The following KCTD16 variants were observed in gnomAD, a reference collection of about 807,000 sequenced individuals.
The protein encoded by KCTD16 is potassium channel tetramerization domain containing 16.
Under a neutral mutation model 33.2 loss-of-function variants are expected in KCTD16, and 13 were observed. That is an observed-to-expected ratio of 0.39 (90% CI 0.25 to 0.62). The LOEUF is 0.62. Among genes scored for constraint, KCTD16 ranks in the 20% least tolerant of loss-of-function variants. The probability of loss-of-function intolerance (pLI) is 0.50; values close to 1 mark genes in which losing one functional copy is unlikely to be tolerated. For synonymous variants in KCTD16, 197 were observed against 195.3 expected (o/e 1.01, Z -0.07); for missense variants, 441 against 525.1 (o/e 0.84, Z 1.57).
chr5:144,312,268 C>T (rs1195094239), intron 3 of KCTD16, among the ~76,000 whole-genome samples: 4 of 152,272 alleles, frequency 2.6e-5, no homozygotes, highest in Admixed American at 6.5e-5. Flanking sequence ...GCACACAGAC[C>T]GTGCAGGACA....
At chr5:144,448,751 T>G (rs1753877162) in intron 3 of KCTD16, among the ~76,000 whole-genome samples, 1 of 152,050 alleles carries the variant, frequency 6.6e-6, no homozygotes, top group African/African-American at 2.4e-5. Context: ...GTCTCCATAT[T>G]CTCTTAATCA....
chr5:144,421,447 A>G lies in KCTD16; in HGVS notation c.833-52213A>G, dbSNP rs537122077. Among the ~76,000 whole-genome samples, 6 of 152,262 alleles carry G rather than the reference A, an allele frequency of 3.9e-5. No homozygotes were observed. The South Asian group carries it at 1.2e-3, about 32-fold the overall frequency. On this transcript the variant is annotated intron_variant, in intron 3 of 3. Coordinates refer to ENST00000512467, the MANE Select transcript of KCTD16 (RefSeq NM_020768.4). ...TAAAGGAGACTGCGGCACATTGGAT[A>G]AAGGAGTAGGAAGAATATTTTTGTG...
Position 144,395,698 on chromosome 5 carries a change from G to A in KCTD16, c.833-77962G>A, listed in dbSNP as rs530831530. On this transcript the variant is annotated intron_variant, in intron 3 of 3. Coordinates refer to ENST00000512467, the MANE Select transcript of KCTD16 (RefSeq NM_020768.4). ...TTGTCCTCCCAGGTAGTCGTTTTGG[G>A]GAGAATTCAAGCAGTTCCAGGCAGG... Among the ~76,000 whole-genome samples the A allele has an allele frequency of 1.2e-3, 184 of 152,272 alleles. 1 individual carries two copies. Among genetic ancestry groups the A allele is most frequent in the African/African-American group, 4.2e-3 (173 of 41,568 alleles).
intron 3 of KCTD16, among the ~76,000 whole-genome samples, chr5:144,302,830 G>A (rs757546017): frequency 6.6e-6 from 1 of 152,170 alleles, no homozygotes; most frequent in Non-Finnish European, 1.5e-5. Flanking sequence ...AATTTGATAT[G>A]GACAGAATGA....
chr5:144,295,585 T>C (rs535038044), intron 3 of KCTD16, among the ~76,000 whole-genome samples: 49 of 152,256 alleles, frequency 3.2e-4, no homozygotes, highest in South Asian at 1.0e-3. Context: ...TGGGCCACCA[T>C]TGGGGACTGT....
At chr5:144,366,621 C>T (rs771883456) in intron 3 of KCTD16, among the ~76,000 whole-genome samples, 2 of 152,154 alleles carry the variant, frequency 1.3e-5, no homozygotes, top group Non-Finnish European at 2.9e-5. Context: ...CCCTCTTCTA[C>T]GGAGCCCTGA....
intron 3 of KCTD16, among the ~76,000 whole-genome samples, chr5:144,316,406 T>C (rs1201489210): frequency 1.3e-5 from 2 of 152,104 alleles, no homozygotes; most frequent in African/African-American, 2.4e-5. Context: ...AAAGAGAACT[T>C]GTTTCTTTCT....
intron 3 of KCTD16, among the ~76,000 whole-genome samples, chr5:144,261,894 T>A (rs1479583283): frequency 6.6e-6 from 1 of 152,212 alleles, no homozygotes; most frequent in Non-Finnish European, 1.5e-5. Context: ...ACTTTTTTTT[T>A]AAAGAATCAT....
At chr5:144,245,226 AAATT>A (rs1215469752) in intron 3 of KCTD16, among the ~76,000 whole-genome samples, 1 of 152,210 alleles carries the variant, frequency 6.6e-6, no homozygotes, top group Non-Finnish European at 1.5e-5. Flanking sequence ...AGGGAGATAA[AAATT>A]AATCAAAGAA....
intron 3 of KCTD16, among the ~76,000 whole-genome samples, chr5:144,247,773 T>G (rs1754591466): frequency 6.6e-6 from 1 of 152,204 alleles, no homozygotes; most frequent in Non-Finnish European, 1.5e-5. Flanking sequence ...CTAGAAGATG[T>G]TGTAGACTAT....
intron 3 of KCTD16, among the ~76,000 whole-genome samples, chr5:144,286,123 G>A (rs900119468): frequency 2.0e-5 from 3 of 151,600 alleles, no homozygotes; most frequent in East Asian, 3.9e-4. Flanking sequence ...TGTTTTTTTC[G>A]CTTTGTTTTT....
intron 3 of KCTD16, among the ~76,000 whole-genome samples, chr5:144,381,781 T>C (rs1312025457): frequency 6.6e-6 from 1 of 152,134 alleles, no homozygotes; most frequent in Non-Finnish European, 1.5e-5. Context: ...GAGATTTGGG[T>C]AAGGACATAT....
chr5:144,298,683 A>T (rs1179819499), intron 3 of KCTD16, among the ~76,000 whole-genome samples: 1 of 152,112 alleles, frequency 6.6e-6, no homozygotes, highest in Non-Finnish European at 1.5e-5. Flanking sequence ...CTAGACAAAC[A>T]TGAGAACATT....
chr5:144,408,392 A>C (rs1752860190), intron 3 of KCTD16, among the ~76,000 whole-genome samples: 1 of 152,206 alleles, frequency 6.6e-6, no homozygotes, highest in Admixed American at 6.5e-5. Context: ...CGGTTTAAGC[A>C]CTTATGCACA....
chr5:144,173,894 T>C (rs1296647745), intron 1 of KCTD16, among the ~76,000 whole-genome samples: 2 of 138,954 alleles, frequency 1.4e-5, no homozygotes, highest in East Asian at 2.1e-4. Flanking sequence ...TAGGAATTTC[T>C]TTTTGGATTT....
At chr5:144,258,299 A>T (rs1211375139) in intron 3 of KCTD16, among the ~76,000 whole-genome samples, 1 of 151,844 alleles carries the variant, frequency 6.6e-6, no homozygotes, top group Non-Finnish European at 1.5e-5. Context: ...TATTATTACT[A>T]GATAATATTT....
At chr5:144,250,779 A>AATATCTATAT (rs1179915534) in intron 3 of KCTD16, among the ~76,000 whole-genome samples, 2 of 152,158 alleles carry the variant, frequency 1.3e-5, no homozygotes, top group African/African-American at 4.8e-5. Flanking sequence ...TTGGGCTAAC[A>AATATCTATAT]ATATCTATAT....
intron 3 of KCTD16, among the ~76,000 whole-genome samples, chr5:144,357,875 T>A (rs185008846): frequency 3.3e-5 from 5 of 152,262 alleles, no homozygotes; most frequent in Admixed American, 3.3e-4. Context: ...GAACACCTGC[T>A]CACCTGCTCA....
intron 3 of KCTD16, among the ~76,000 whole-genome samples, chr5:144,254,063 C>T (rs1267721621): frequency 1.3e-5 from 2 of 151,928 alleles, no homozygotes; most frequent in Non-Finnish European, 2.9e-5. Flanking sequence ...TCTCCTGACC[C>T]GTGTATCTAA....
Sources: gnomAD v4.1 joint callset for allele counts (sites outside exome capture counted in the v4.1 genomes callset) on GRCh38, gnomAD v4.1.1 for gene constraint, MANE v1.5 for transcripts, NCBI Gene and HGNC (gene_info 2026-07-23, HGNC 2026-07-21) for gene names.